The following HNRNPH1 variants were observed in gnomAD, a reference collection of about 807,000 sequenced individuals.
HNRNPH1 encodes the protein heterogeneous nuclear ribonucleoprotein H1, also known as heterogeneous nuclear ribonucleoprotein H.
HNRNPH1 carries 4 observed loss-of-function variants against 58.6 expected under a neutral mutation model. The observed-to-expected ratio is 0.07, with a 90% CI of 0.03 to 0.16. The LOEUF (loss-of-function observed/expected upper bound fraction) is 0.16. Ranked by LOEUF, HNRNPH1 falls within the 10% of genes least tolerant of loss-of-function variation. HNRNPH1 has a pLI of 1.00. For missense variants in HNRNPH1, 271 were observed against 564.2 expected, an observed-to-expected ratio of 0.48 and a Z score of 5.26; for synonymous variants, 192 against 189.2, an observed-to-expected ratio of 1.01 and a Z score of -0.12.
intron 7 of HNRNPH1, 22 bp downstream of exon 8, chr5:179,617,773 GACTT>G (rs1283404280): frequency 6.2e-7 from 1 of 1,611,008 alleles, no homozygotes; most frequent in Non-Finnish European, 8.5e-7. Context: ...CTGAAATATT[GACTT>G]GTGAGTTCAT....
chr5:179,620,888 A>G lies in HNRNPH1; in HGVS notation c.397+4T>C, dbSNP rs1772029497. On this transcript the variant is annotated splice_donor_region_variant and intron_variant, in intron 3 of 12. Coordinates refer to ENST00000356731, the Ensembl canonical transcript of HNRNPH1. ...ACTGCTCAGCAACAAACATGACTAC[A>G]TACCTGAGAAGAACTGAACAATTTC... is the stretch of plus-strand genomic sequence containing the variant. 5.0e-6 allele frequency: 8 copies of G among 1,613,994 alleles called. No homozygotes were observed. The highest frequency in any genetic ancestry group is 6.8e-6 in the Non-Finnish European group (8 of 1,179,922).
upstream of HNRNPH1, among the ~76,000 whole-genome samples, chr5:179,625,472 A>G (rs1481881295): frequency 6.7e-6 from 1 of 148,182 alleles, no homozygotes; most frequent in African/African-American, 2.5e-5. Flanking sequence ...AGCCTGGGCT[A>G]CAAAGACTCC....
chr5:179,626,835 GC>G (rs1457950731), upstream of HNRNPH1, among the ~76,000 whole-genome samples: 45 of 149,872 alleles, frequency 3.0e-4, no homozygotes, highest in Non-Finnish European at 6.7e-4. Context: ...GAGTACAATG[GC>G]GCGATCTCCG....
exon 1 of HNRNPH1, chr5:179,623,141 T>C: frequency 6.3e-7 from 1 of 1,598,226 alleles, no homozygotes; most frequent in Non-Finnish European, 8.6e-7. Context: ...CATCGTCTCT[T>C]ACGCGGTCCG....
At chr5:179,614,540 CA>C (rs1768523546) in exon 13 of HNRNPH1, 1 of 193,422 alleles carries the variant, frequency 5.2e-6, no homozygotes, top group Middle Eastern at 2.2e-3. Context: ...CAACATTTAA[CA>C]TAATTCAACT....
Position 179,620,883 on chromosome 5 carries a change from A to C in HNRNPH1, c.397+9T>G. Reference sequence around the variant, plus strand: ...AACTCACTGCTCAGCAACAAACATGACTACATACCTGAGAAGAACTGAACA... The same window carrying C: ...AACTCACTGCTCAGCAACAAACATGCCTACATACCTGAGAAGAACTGAACA... On this transcript the variant is annotated intron_variant, in intron 3 of 12. Transcript: ENST00000356731. 6.2e-7 allele frequency: 1 copy of C among 1,613,114 alleles called. No homozygotes were observed. The highest frequency in any genetic ancestry group is 8.5e-7 in the Non-Finnish European group (1 of 1,179,468).
intron 7 of HNRNPH1, 38 bp from the exon 9 acceptor site, chr5:179,617,687 T>C (rs759586603): frequency 1.6e-5 from 26 of 1,606,742 alleles, no homozygotes; most frequent in Non-Finnish European, 2.1e-5. Flanking sequence ...CAACCAACTT[T>C]CTAACGTTAC....
chr5:179,632,571 C>G (rs28571858), intron 2 of HNRNPH1, among the ~76,000 whole-genome samples: 4,629 of 152,110 alleles, frequency 0.03, 128 homozygotes, highest in Non-Finnish European at 0.041. Context: ...AGTGTCCAGC[C>G]GTCCGCTGAG....
At chr5:179,617,084 T>G in exon 9 of HNRNPH1, 4 of 1,614,152 alleles carry the variant, frequency 2.5e-6, no homozygotes, top group Non-Finnish European at 3.4e-6. Context: ...GCTGTAGAAT[T>G]CAAGAAGAGT....
chr5:179,622,371 C>T (rs568161852), intron 1 of HNRNPH1, among the ~76,000 whole-genome samples: 2 of 152,324 alleles, frequency 1.3e-5, no homozygotes, highest in South Asian at 4.1e-4. Flanking sequence ...GCCATTTTCT[C>T]AAGATTGAGG....
intron 11 of HNRNPH1, 63 bp from the exon 13 acceptor site, chr5:179,615,658 A>G (rs1562203223): frequency 1.2e-6 from 1 of 816,160 alleles, no homozygotes; most frequent in Non-Finnish European, 2.0e-6. Context: ...AGACCAATTG[A>G]AAAAAAATAA....
upstream of HNRNPH1, among the ~76,000 whole-genome samples, chr5:179,627,427 A>G (rs1300293230): frequency 6.6e-6 from 1 of 151,404 alleles, no homozygotes; most frequent in Non-Finnish European, 1.5e-5. Context: ...TCCTGGCGTC[A>G]AGCAATTCTC....
rs1035319924 is a variant in HNRNPH1, at chr5:179,619,204, G to A, written c.536+65C>T. ...ACATTAATTTCTTCTTTTAAGCAGA[G>A]AGAATATGGATTTAATTGTTTACCA... is the stretch of plus-strand genomic sequence containing the variant. On this transcript the variant is annotated intron_variant, in intron 4 of 12. Coordinates refer to ENST00000356731, the Ensembl canonical transcript of HNRNPH1. 12 of 1,338,906 alleles carry A rather than the reference G, an allele frequency of 9.0e-6. No individual in the cohort carries two copies. In the African/African-American group the frequency reaches 1.2e-4, roughly 13 times the overall value. 82.9% of individuals were successfully genotyped at this position (1,338,906 alleles called of 1,614,324 possible).
At chr5:179,631,211 A>G (rs1774803370) in intron 2 of HNRNPH1, among the ~76,000 whole-genome samples, 1 of 152,172 alleles carries the variant, frequency 6.6e-6, no homozygotes, top group Non-Finnish European at 1.5e-5. Flanking sequence ...ATGAAAAGAT[A>G]TACGTTACGG....
exon 13 of HNRNPH1, chr5:179,614,877 A>C (rs760776452): frequency 5.8e-6 from 9 of 1,548,430 alleles, no homozygotes; most frequent in African/African-American, 5.5e-5. Flanking sequence ...TGGACATGCT[A>C]GACAACCCTC....
intron 3 of HNRNPH1, among the ~76,000 whole-genome samples, chr5:179,620,498 C>CAACACA (rs1771825417): frequency 6.6e-6 from 1 of 152,184 alleles, no homozygotes; most frequent in Non-Finnish European, 1.5e-5. Flanking sequence ...GACCCAAATA[C>CAACACA]GTGTCTCTTG....
At chr5:179,621,672 C>G (rs1772407948) in intron 1 of HNRNPH1, 1 of 469,388 alleles carries the variant, frequency 2.1e-6, no homozygotes, top group Non-Finnish European at 3.9e-6. Flanking sequence ...ATGTCTACAT[C>G]ACACATCTTT....
At chr5:179,626,982 C>T (rs1395613438), upstream of HNRNPH1, among the ~76,000 whole-genome samples, 4 of 151,910 alleles carry the variant, frequency 2.6e-5, no homozygotes, top group Non-Finnish European at 5.9e-5. Flanking sequence ...GGGGTTTCAC[C>T]GTGTTAGCCA....
At chr5:179,615,048 A>T in intron 12 of HNRNPH1, 89 bp from the exon 14 acceptor site, 1 of 825,928 alleles carries the variant, frequency 1.2e-6, no homozygotes, top group South Asian at 1.5e-5. Context: ...TTTAAAAAGT[A>T]TACGAGTACA....
Sources: gnomAD v4.1 joint callset for allele counts (sites outside exome capture counted in the v4.1 genomes callset) on GRCh38, gnomAD v4.1.1 for gene constraint, MANE v1.5 for transcripts, NCBI Gene and HGNC (gene_info 2026-07-23, HGNC 2026-07-21) for gene names.